Variants in FRMD8 observed in about 807,000 individuals in gnomAD.
The protein encoded by FRMD8 is FERM domain-containing protein 8.
In FRMD8, 37 loss-of-function variants were observed where a neutral mutation model predicts 54.2. The observed-to-expected ratio is 0.68, with a 90% CI of 0.53 to 0.90. The LOEUF (loss-of-function observed/expected upper bound fraction) is 0.90. Ranked by LOEUF, FRMD8 falls within the 40% of genes least tolerant of loss-of-function variation. The pLI is 0.00. For missense variants in FRMD8, 585 were observed against 653.7 expected (o/e 0.89, Z 1.15); for synonymous variants, 246 against 286.9 (o/e 0.86, Z 1.44).
chr11:65,368,324 C>A, the FRMD8 span, among the ~76,000 whole-genome samples: 4 of 151,994 alleles, frequency 2.6e-5, no homozygotes, highest in African/African-American at 9.7e-5. Flanking sequence ...GATCCGCCCA[C>A]CTCGGCCTCC....
intron 2 of FRMD8, among the ~76,000 whole-genome samples, chr11:65,387,639 C>A (rs1021325057): frequency 6.6e-6 from 1 of 152,052 alleles, no homozygotes; most frequent in South Asian, 2.1e-4. Context: ...TCGGGGTTCA[C>A]GCCATTCTCC....
the FRMD8 span, chr11:65,379,733 C>A: frequency 1.5e-6 from 2 of 1,320,342 alleles, no homozygotes; most frequent in East Asian, 2.5e-5. Context: ...AAGCTACCAC[C>A]CAGGCCCCCC....
intron 9 of FRMD8, among the ~76,000 whole-genome samples, chr11:65,401,265 T>C (rs1180069917): frequency 6.6e-6 from 1 of 151,496 alleles, no homozygotes; most frequent in Non-Finnish European, 1.5e-5. Context: ...TTCCCCTTCA[T>C]TCGTCGTGTT....
chr11:65,393,316 G>A (rs1042001834), intron 3 of FRMD8, among the ~76,000 whole-genome samples: 2 of 152,244 alleles, frequency 1.3e-5, no homozygotes, highest in Non-Finnish European at 2.9e-5. Context: ...AACACTTAGT[G>A]GCTGGCTCTG....
intron 10 of FRMD8, among the ~76,000 whole-genome samples, chr11:65,406,184 C>T (rs1486558525): frequency 1.4e-5 from 2 of 147,926 alleles, no homozygotes; most frequent in African/African-American, 5.0e-5. Flanking sequence ...TGTGCCACCA[C>T]ACCCGGCTAA....
chr11:65,401,000 G>A lies in FRMD8; in HGVS notation c.1071+133G>A. 9.9e-7 allele frequency: 1 copy of A among 1,012,464 alleles called. No individual in the cohort carries two copies. The highest frequency in any genetic ancestry group is 1.4e-6 in the Non-Finnish European group (1 of 712,718). The allele number at this position is 1,012,464 out of a possible 1,614,324, so 62.7% of individuals were successfully genotyped here. A position where few individuals can be genotyped will look rare whatever the true frequency, so the allele number is the denominator to read the frequency against. On this transcript the variant is annotated intron_variant, in intron 9 of 10. Transcript: ENST00000317568. This position sits in a 1 kb window ranked among gnomAD's most constrained non-coding sequence, Gnocchi z 4.3. ...TTGGGCCTGAGGATGAAAGCGGCCT[G>A]GGCACAAGGGGTGCCTTGAGTCCTG...
chr11:65,400,070 G>C lies in FRMD8; in HGVS notation c.927+211G>C, dbSNP rs1251618238. On this transcript the variant is annotated intron_variant, in intron 8 of 10. Coordinates refer to ENST00000317568, the MANE Select transcript of FRMD8 (RefSeq NM_031904.5). This position sits in a 1 kb window ranked among gnomAD's most constrained non-coding sequence, Gnocchi z 4.3. The stretch of plus-strand genomic sequence containing the variant: ...TAGGCTGTGGGGTGGCCGGGGCAGG[G>C]GAGGCCGCAGCTGGGACTTCACTGC... Among the ~76,000 whole-genome samples, 3 of 152,344 alleles carry C rather than the reference G, an allele frequency of 2.0e-5. No individual in the cohort carries two copies. The highest frequency in any genetic ancestry group is 4.4e-5 in the Non-Finnish European group (3 of 68,020).
At chr11:65,393,403 TG>T (rs1365046641) in intron 3 of FRMD8, among the ~76,000 whole-genome samples, 169 bp from the exon 4 acceptor site, 1 of 152,186 alleles carries the variant, frequency 6.6e-6, no homozygotes, top group East Asian at 1.9e-4. Flanking sequence ...ATTTGCTCTA[TG>T]GGTGAAATGG....
At chr11:65,389,309 C>T (rs1317689493) in intron 2 of FRMD8, 52 bp from the exon 3 acceptor site, 3 of 1,590,770 alleles carry the variant, frequency 1.9e-6, no homozygotes, top group African/African-American at 1.3e-5. Flanking sequence ...TTGGCCTGGC[C>T]TGGCTGTGCC....
At chr11:65,390,759 C>T (rs922755448) in intron 3 of FRMD8, among the ~76,000 whole-genome samples, 2 of 152,210 alleles carry the variant, frequency 1.3e-5, no homozygotes, top group African/African-American at 4.8e-5. Flanking sequence ...TGGGTTGGCC[C>T]CTGCCTTACC....
At chr11:65,387,833 C>T (rs567394949) in intron 2 of FRMD8, among the ~76,000 whole-genome samples, 3 of 152,216 alleles carry the variant, frequency 2.0e-5, no homozygotes, top group Admixed American at 1.3e-4. Context: ...CCACCACACC[C>T]GGCTGTGTCC....
chr11:65,406,327 TG>T (rs1251633258), intron 10 of FRMD8, among the ~76,000 whole-genome samples: 1 of 151,920 alleles, frequency 6.6e-6, no homozygotes, highest in Non-Finnish European at 1.5e-5. Context: ...CCTAAGTAGC[TG>T]GAACTACAGG....
intron 10 of FRMD8, among the ~76,000 whole-genome samples, chr11:65,407,350 C>G (rs1008720008): frequency 1.3e-5 from 2 of 151,828 alleles, no homozygotes; most frequent in African/African-American, 2.4e-5. Context: ...ACCCTGGGTT[C>G]AAGCGATTCT....
At position 65,413,003 on chromosome 11, in the gene FRMD8, T is replaced by A. The variant is rs1590665288; in HGVS notation, c.*1643T>A. ...CCAGGTGATTTTATTTTTTTTATTT[T>A]TTTATTTTTTTTGAGACGGAGTCTT... On this transcript the variant is annotated 3_prime_UTR_variant, in exon 11 of 11. Transcript: ENST00000317568. The A allele has an allele frequency of 6.6e-6, 1 of 152,236 alleles. No homozygotes were observed. 9.4% of individuals were successfully genotyped at this position (152,236 alleles called of 1,614,324 possible).
chr11:65,403,330 C>T (rs1436543196), intron 9 of FRMD8, among the ~76,000 whole-genome samples: 1 of 152,136 alleles, frequency 6.6e-6, no homozygotes, highest in Non-Finnish European at 1.5e-5. Flanking sequence ...TTACAGGAGC[C>T]TGCCATCACA....
At chr11:65,372,587 T>C in the FRMD8 span, among the ~76,000 whole-genome samples, 2 of 152,232 alleles carry the variant, frequency 1.3e-5, no homozygotes, top group East Asian at 3.8e-4. Flanking sequence ...ATAGATTTTT[T>C]TCATTTTACT....
chr11:65,411,158 G>A, intron 10 of FRMD8, 84 bp from the exon 11 acceptor site: 1 of 1,156,230 alleles, frequency 8.6e-7, no homozygotes, highest in Admixed American at 2.3e-5. Flanking sequence ...CGTCGCGCTG[G>A]AGCCAGAACC....
upstream of FRMD8, among the ~76,000 whole-genome samples, chr11:65,384,403 T>C (rs1171679559): frequency 6.6e-6 from 1 of 151,826 alleles, no homozygotes; most frequent in East Asian, 1.9e-4. Flanking sequence ...GTGCCCCTCC[T>C]TGACTAGACC....
chr11:65,380,396 A>T, the FRMD8 span: 1 of 887,676 alleles, frequency 1.1e-6, no homozygotes, highest in Non-Finnish European at 1.7e-6. Flanking sequence ...AGGGACTAAG[A>T]CCCCAGGCCC....
Sources: gnomAD v4.1 joint callset for allele counts (sites outside exome capture counted in the v4.1 genomes callset) on GRCh38, gnomAD v4.1.1 for gene constraint, Gnocchi (gnomAD v3.1) non-coding constraint, MANE v1.5 for transcripts, NCBI Gene and HGNC (gene_info 2026-07-23, HGNC 2026-07-21) for gene names.